Variants in ARHGEF3 observed in about 807,000 individuals in gnomAD.
ARHGEF3 encodes the protein Rho guanine nucleotide exchange factor 3.
Under a neutral mutation model 63.2 loss-of-function variants are expected in ARHGEF3, and 28 were observed. The observed-to-expected ratio is 0.44, with a 90% CI of 0.33 to 0.61. The LOEUF (loss-of-function observed/expected upper bound fraction) is 0.61. Among genes scored for constraint, ARHGEF3 ranks in the 20% least tolerant of loss-of-function variants. The probability of loss-of-function intolerance (pLI) is 0.03; values close to 1 mark genes in which losing one functional copy is unlikely to be tolerated. For missense variants in ARHGEF3, 533 were observed against 659.3 expected (o/e 0.81, Z 2.10); for synonymous variants, 266 against 254.2 (o/e 1.05, Z -0.44).
rs1372378294 is a variant in ARHGEF3 at position 57,004,078 on chromosome 3, G to C, written c.62+31010C>G. ...GAGCTCATTCATCCAGAGGGAGGCA[G>C]AGAAGCTACCACCTGCTCCTAAAGA... On this transcript the variant is annotated intron_variant, in intron 2 of 12. Transcript: ENST00000338458. 2.0e-5 allele frequency among the ~76,000 whole-genome samples: 3 copies of C among 152,218 alleles called. No individual in the cohort carries two copies. The East Asian group carries it at 5.8e-4, about 29-fold the overall frequency.
chr3:56,980,554 G>A (rs140732160), intron 2 of ARHGEF3, among the ~76,000 whole-genome samples: 1 of 152,292 alleles, frequency 6.6e-6, no homozygotes, highest in Admixed American at 6.5e-5. Flanking sequence ...ATCTACCTTA[G>A]CTCTTAGAAG....
chr3:56,900,738 C>T (rs1560033966), intron 3 of ARHGEF3, among the ~76,000 whole-genome samples: 1 of 152,276 alleles, frequency 6.6e-6, no homozygotes, highest in South Asian at 2.1e-4. Context: ...CTGTTTTATG[C>T]TTTTAATCGG....
intron 4 of ARHGEF3, among the ~76,000 whole-genome samples, chr3:56,874,337 T>A (rs2040520375): frequency 6.6e-6 from 1 of 152,194 alleles, no homozygotes; most frequent in Non-Finnish European, 1.5e-5. Context: ...ATAAGAGCAT[T>A]ATTAACCTCT....
chr3:56,867,298 G>T (rs2040282326), intron 4 of ARHGEF3, among the ~76,000 whole-genome samples: 1 of 152,038 alleles, frequency 6.6e-6, no homozygotes, highest in African/African-American at 2.4e-5. Flanking sequence ...CCCAGATGTT[G>T]ATAATATGGC....
intron 3 of ARHGEF3, among the ~76,000 whole-genome samples, chr3:56,946,935 G>C (rs1461920413): frequency 2.0e-5 from 3 of 152,208 alleles, no homozygotes; most frequent in Non-Finnish European, 4.4e-5. Flanking sequence ...TCTCTCCTCA[G>C]AAACTCTACA....
At chr3:57,066,553 G>A (rs559086010) in intron 1 of ARHGEF3, among the ~76,000 whole-genome samples, 3 of 152,204 alleles carry the variant, frequency 2.0e-5, no homozygotes, top group Non-Finnish European at 4.4e-5. Context: ...GTGAGCCACC[G>A]CGCCCAGGCT....
intron 3 of ARHGEF3, among the ~76,000 whole-genome samples, chr3:56,916,883 T>A (rs2042005089): frequency 6.6e-6 from 1 of 152,126 alleles, no homozygotes; most frequent in African/African-American, 2.4e-5. Context: ...TGAGTCGCGG[T>A]TCAAAAGCAA....
intron 4 of ARHGEF3, among the ~76,000 whole-genome samples, chr3:56,831,425 T>C (rs2038927433): frequency 6.6e-6 from 1 of 152,228 alleles, no homozygotes; most frequent in Non-Finnish European, 1.5e-5. Context: ...ACTATCAGGG[T>C]TGGAAAACTT....
chr3:56,936,442 G>A (rs553645874), intron 3 of ARHGEF3, among the ~76,000 whole-genome samples: 1 of 152,280 alleles, frequency 6.6e-6, no homozygotes, highest in African/African-American at 2.4e-5. Flanking sequence ...AAATATGACA[G>A]CAGAGACACT....
rs144880560 is a variant in ARHGEF3, at chr3:56,917,640, G to A, written c.130-35286C>T. Among the ~76,000 whole-genome samples the A allele has an allele frequency of 1.3e-3, 203 of 152,282 alleles. 1 individual carries two copies. The highest frequency in any genetic ancestry group is 1.5e-3 in the Non-Finnish European group (101 of 68,040). On this transcript the variant is annotated intron_variant, in intron 3 of 12. Coordinates refer to the ARHGEF3 transcript ENST00000338458. ...GTGAGCTTGGCAAATGCATTTTCAT[G>A]GGGACAAAGTCTGAGAAGGGTTCTC...
chr3:56,940,375 A>T (rs565253868), intron 3 of ARHGEF3, among the ~76,000 whole-genome samples: 65 of 152,352 alleles, frequency 4.3e-4, no homozygotes, highest in African/African-American at 1.5e-3. Context: ...AGGACTAATC[A>T]AAACGATAAC....
chr3:56,969,939 A>G (rs1700835846), intron 2 of ARHGEF3, among the ~76,000 whole-genome samples: 1 of 152,170 alleles, frequency 6.6e-6, no homozygotes. Context: ...GAAGCCAGAC[A>G]CAAGGGATAC....
intron 3 of ARHGEF3, chr3:56,940,769 T>C (rs1013308212): frequency 1.3e-5 from 2 of 152,204 alleles, no homozygotes; most frequent in Non-Finnish European, 2.9e-5. Context: ...ACCCTAGTTA[T>C]ATGGAGCTAA....
intron 2 of ARHGEF3, among the ~76,000 whole-genome samples, chr3:57,022,736 C>G (rs1703310123): frequency 6.6e-6 from 1 of 151,834 alleles, no homozygotes; most frequent in Admixed American, 6.6e-5. Context: ...CTAGGAGGAC[C>G]CTGTTTTTTG....
intron 4 of ARHGEF3, among the ~76,000 whole-genome samples, chr3:56,831,106 C>G (rs150541484): frequency 6.6e-6 from 1 of 152,292 alleles, no homozygotes; most frequent in African/African-American, 2.4e-5. Flanking sequence ...AGTGCCCAGC[C>G]CAGAATGGAG....
chr3:56,947,466 G>A (rs1265984467), intron 3 of ARHGEF3, among the ~76,000 whole-genome samples: 1 of 152,136 alleles, frequency 6.6e-6, no homozygotes, highest in East Asian at 1.9e-4. Context: ...AAAAAATGCA[G>A]GGGTTGCAAT....
intron 3 of ARHGEF3, among the ~76,000 whole-genome samples, chr3:56,925,799 C>T (rs1397438320): frequency 6.6e-6 from 1 of 152,230 alleles, no homozygotes; most frequent in Non-Finnish European, 1.5e-5. Context: ...TGAATACACA[C>T]TGGCCACAGT....
At chr3:57,054,500 T>C (rs115618995) in intron 1 of ARHGEF3, among the ~76,000 whole-genome samples, 1,652 of 147,902 alleles carry the variant, frequency 0.011, 34 homozygotes, top group African/African-American at 0.039. Flanking sequence ...AAGTCGGGCA[T>C]GATGGTGCAT....
chr3:57,073,934 G>T, intron 1 of ARHGEF3: 2 of 1,614,202 alleles, frequency 1.2e-6, no homozygotes, highest in Non-Finnish European at 1.7e-6. Flanking sequence ...GCCAAAGTGA[G>T]ACCTGTCAGA....
Sources: gnomAD v4.1 joint callset for allele counts (sites outside exome capture counted in the v4.1 genomes callset) on GRCh38, gnomAD v4.1.1 for gene constraint, MANE v1.5 for transcripts, NCBI Gene and HGNC (gene_info 2026-07-23, HGNC 2026-07-21) for gene names.